The following CDKAL1 variants were observed in gnomAD, a reference collection of about 807,000 sequenced individuals.
CDKAL1 encodes the protein threonylcarbamoyladenosine tRNA methylthiotransferase.
A neutral mutation model predicts 68.2 loss-of-function variants in CDKAL1; 32 were observed. The ratio of observed to expected loss-of-function variants is 0.47; its 90% CI spans 0.35 to 0.63. The LOEUF (loss-of-function observed/expected upper bound fraction) is 0.63, where lower values mean the gene tolerates loss of function less well. Among genes scored for constraint, CDKAL1 ranks in the 30% least tolerant of loss-of-function variants. CDKAL1 has a pLI of 0.00. For synonymous variants in CDKAL1, 234 were observed against 244.3 expected (o/e 0.96, Z 0.39); for missense variants, 606 against 696.7 (o/e 0.87, Z 1.47).
intron 5 of CDKAL1, among the ~76,000 whole-genome samples, chr6:20,714,412 A>G (rs1771993081): frequency 8.6e-6 from 1 of 115,922 alleles, no homozygotes; most frequent in Non-Finnish European, 1.7e-5. Context: ...TTTTTGAGAC[A>G]GAATCTCACT....
chr6:20,849,423 A>G (rs1236281493), intron 9 of CDKAL1, among the ~76,000 whole-genome samples: 1 of 151,982 alleles, frequency 6.6e-6, no homozygotes, highest in Non-Finnish European at 1.5e-5. Context: ...CTCTACTAAA[A>G]CTACAAAAAA....
At chr6:21,013,635 A>T (rs926322449) in intron 11 of CDKAL1, among the ~76,000 whole-genome samples, 6 of 152,214 alleles carry the variant, frequency 3.9e-5, no homozygotes, top group African/African-American at 1.4e-4. Flanking sequence ...CTATAGCTAT[A>T]GACTAAGTTA....
chr6:20,570,120 T>C (rs868641852), intron 4 of CDKAL1, among the ~76,000 whole-genome samples: 4 of 152,298 alleles, frequency 2.6e-5, no homozygotes, highest in East Asian at 1.9e-4. Context: ...TTTTTGTTGT[T>C]GTTGTTGAGA....
At chr6:20,563,379 G>C (rs140719607) in intron 4 of CDKAL1, among the ~76,000 whole-genome samples, 72 of 151,462 alleles carry the variant, frequency 4.8e-4, no homozygotes, top group Non-Finnish European at 8.7e-4. Context: ...ACACATCTAA[G>C]ATCAAAATTA....
At chr6:21,051,872 A>C (rs1770560793) in intron 11 of CDKAL1, among the ~76,000 whole-genome samples, 1 of 152,176 alleles carries the variant, frequency 6.6e-6, no homozygotes, top group South Asian at 2.1e-4. Context: ...ATGAAAGAAG[A>C]AGTGGAAGCA....
chr6:21,043,794 T>C (rs1471409533), intron 11 of CDKAL1, among the ~76,000 whole-genome samples: 1 of 152,218 alleles, frequency 6.6e-6, no homozygotes, highest in Non-Finnish European at 1.5e-5. Flanking sequence ...ACTTTGTCTT[T>C]AGGAGAAAAT....
intron 8 of CDKAL1, among the ~76,000 whole-genome samples, chr6:20,815,015 C>T (rs890686488): frequency 3.3e-5 from 5 of 152,198 alleles, no homozygotes; most frequent in African/African-American, 9.7e-5. Context: ...CTGTTTTCCT[C>T]CTCTCAGTTA....
intron 13 of CDKAL1, among the ~76,000 whole-genome samples, chr6:21,186,450 G>A (rs1171535375): frequency 2.0e-5 from 3 of 152,142 alleles, no homozygotes; most frequent in Non-Finnish European, 4.4e-5. Flanking sequence ...AAGTCCAAAT[G>A]CCACTGTTTT....
At chr6:20,590,197 C>T (rs1264500675) in intron 4 of CDKAL1, among the ~76,000 whole-genome samples, 1 of 151,936 alleles carries the variant, frequency 6.6e-6, no homozygotes, top group Non-Finnish European at 1.5e-5. Flanking sequence ...TGACTGTCCC[C>T]AGGTTACTTT....
intron 5 of CDKAL1, among the ~76,000 whole-genome samples, chr6:20,718,272 A>G (rs1475380900): frequency 6.6e-6 from 1 of 152,140 alleles, no homozygotes; most frequent in Non-Finnish European, 1.5e-5. Flanking sequence ...TGGGTTCTTC[A>G]TCAGGCAGCT....
intron 13 of CDKAL1, among the ~76,000 whole-genome samples, chr6:21,161,456 T>C (rs1477705054): frequency 2.0e-5 from 3 of 152,182 alleles, no homozygotes; most frequent in Non-Finnish European, 4.4e-5. Context: ...TTTCAGTCAG[T>C]GTAAGAGATA....
intron 12 of CDKAL1, among the ~76,000 whole-genome samples, chr6:21,091,271 C>T (rs1462998689): frequency 2.6e-5 from 4 of 152,152 alleles, no homozygotes; most frequent in Non-Finnish European, 4.4e-5. Context: ...ATTGTGACAG[C>T]TGGGGAGCAG....
chr6:21,151,432 A>G (rs982720907), intron 13 of CDKAL1, among the ~76,000 whole-genome samples: 1 of 152,220 alleles, frequency 6.6e-6, no homozygotes, highest in Non-Finnish European at 1.5e-5. Context: ...CTGTCTACCT[A>G]AGAAATGACT....
intron 15 of CDKAL1, among the ~76,000 whole-genome samples, chr6:21,225,116 G>A (rs1490869788): frequency 6.6e-6 from 1 of 152,182 alleles, no homozygotes; most frequent in Admixed American, 6.5e-5. Context: ...GCAGGAGCCA[G>A]GATCCAGCAG....
intron 4 of CDKAL1, among the ~76,000 whole-genome samples, chr6:20,609,649 G>T: frequency 6.6e-6 from 1 of 151,702 alleles, no homozygotes; most frequent in Non-Finnish European, 1.5e-5. Flanking sequence ...GCCCACCTTG[G>T]CCTCCCAAAG....
At chr6:21,224,134 C>CAAAG (rs1007589331) in intron 15 of CDKAL1, among the ~76,000 whole-genome samples, 4 of 152,126 alleles carry the variant, frequency 2.6e-5, no homozygotes, top group Admixed American at 2.6e-4. Flanking sequence ...GTCCCCCACC[C>CAAAG]AAAGATGTCC....
In CDKAL1 at chr6:21,109,999, A is replaced by G. The variant is rs144827311; in HGVS notation, c.1299+1536A>G. ...GCTTCCTCCTCATATCCTTTGTGGC[A>G]TTGTATCAAAGTCACCTCAGATTAT... On this transcript the variant is annotated intron_variant, in intron 13 of 15. Transcript: ENST00000274695. Among the ~76,000 whole-genome samples the G allele has an allele frequency of 4.1e-3, 627 of 152,310 alleles. 6 individuals carry two copies. The highest frequency in any genetic ancestry group is 0.014 in the African/African-American group (598 of 41,590).
At chr6:20,815,126 T>A (rs1776990357) in intron 8 of CDKAL1, among the ~76,000 whole-genome samples, 1 of 152,232 alleles carries the variant, frequency 6.6e-6, no homozygotes, top group Non-Finnish European at 1.5e-5. Flanking sequence ...ATCCAGTCCC[T>A]GTCACTTTAT....
chr6:20,846,239 A>G (rs1458849570), intron 9 of CDKAL1, 61 bp downstream of exon 9: 2 of 1,011,440 alleles, frequency 2.0e-6, no homozygotes, highest in Non-Finnish European at 3.0e-6. Flanking sequence ...TTAGCCTTCT[A>G]AGTAATACTT....
Sources: allele counts gnomAD v4.1 joint callset (sites outside exome capture counted in the v4.1 genomes callset), GRCh38; gene constraint gnomAD v4.1.1; transcripts MANE v1.5; gene names NCBI Gene and HGNC (gene_info 2026-07-23, HGNC 2026-07-21).